The following NKAP variants were observed in gnomAD, a reference collection of about 807,000 sequenced individuals.
NKAP encodes NFKB activating protein, also known as NF-kappa-B-activating protein.
A neutral mutation model predicts 35.6 loss-of-function variants in NKAP; 4 were observed. That is an observed-to-expected ratio of 0.11 (90% CI 0.06 to 0.26). The LOEUF (loss-of-function observed/expected upper bound fraction) is 0.26. Ranked by LOEUF, NKAP falls within the 10% of genes least tolerant of loss-of-function variation. NKAP has a pLI of 1.00. For synonymous variants in NKAP, 106 were observed against 119.2 expected, an observed-to-expected ratio of 0.89 and a Z score of 0.72; for missense variants, 238 against 321.9, an observed-to-expected ratio of 0.74 and a Z score of 1.99.
rs2056744565 is a variant in NKAP, at chrX:119,932,157, G to A, written c.797C>T (p.Ser266Phe). The change falls in exon 6 of 9, where the codon TCT becomes TTT. Residue 266 changes from serine to phenylalanine, a missense_variant. This residue lies in a region of NKAP where 89 missense variants were observed against 91.7 expected (regional missense o/e 0.97). Transcript: ENST00000371410. ...CAGAAACTCTTCTTGGGATTCTTTAGAGCTTGAATCACTGGACTCTTTTCT... is the reference window on the plus strand; with the variant it reads ...CAGAAACTCTTCTTGGGATTCTTTAAAGCTTGAATCACTGGACTCTTTTCT... ...KSRKESSDSS[S>F]KESQEEFLEN... 8.3e-7 allele frequency: 1 copy of A among 1,207,914 alleles called. No individual in the cohort carries two copies. Among genetic ancestry groups the A allele is most frequent in the Non-Finnish European group, 1.1e-6 (1 of 894,108 alleles).
intron 8 of NKAP, among the ~76,000 whole-genome samples, chrX:119,925,929 C>CTTTTTTTTTT (rs1305744041): frequency 4.3e-5 from 2 of 46,413 alleles, no homozygotes; most frequent in African/African-American, 1.7e-4. Context: ...ATCCTTTTTT[C>CTTTTTTTTTT]TTTTTTTTTT....
Position 119,930,941 on chromosome X carries a change from G to T in NKAP, c.924-776C>A, listed in dbSNP as rs141903220. Among the ~76,000 whole-genome samples the T allele has an allele frequency of 6.3e-3, 702 of 111,388 alleles. 11 individuals are homozygous for T. Among genetic ancestry groups the T allele is most frequent in the African/African-American group, 0.022 (676 of 30,646 alleles). On this transcript the variant is annotated intron_variant, in intron 7 of 8. Coordinates refer to ENST00000371410, the MANE Select transcript of NKAP (RefSeq NM_024528.4). ...AGATCACTTGAGATCAGGAGTTCGA[G>T]ACCATACTGGCCAACATGGCGAAAC...
At chrX:119,936,269 G>A in intron 4 of NKAP, 28 bp downstream of exon 4, 1 of 1,192,674 alleles carries the variant, frequency 8.4e-7, no homozygotes, top group Non-Finnish European at 1.1e-6. Flanking sequence ...TTGAAGCAAG[G>A]CTTGCAGAAT....
In NKAP at chrX:119,926,147, G is replaced by A. The variant is rs184416154; in HGVS notation, c.1074-753C>T. Among the ~76,000 whole-genome samples the A allele has an allele frequency of 5.8e-4, 59 of 102,469 alleles. No homozygotes were observed. In the East Asian group the frequency reaches 0.015, roughly 26 times the overall value. The allele number at this position is 102,469 out of a possible 115,157, so 89.0% of individuals were successfully genotyped here. On this transcript the variant is annotated intron_variant, in intron 8 of 8. Coordinates refer to ENST00000371410, the MANE Select transcript of NKAP (RefSeq NM_024528.4). ...AATTTTTTGTATTTTTAGTAGAGAC[G>A]GGGTTTCACCTTGTTAGCCAGGATG... is the stretch of plus-strand genomic sequence containing the variant.
In NKAP at chrX:119,936,265, C is replaced by A. The variant is rs766826336; in HGVS notation, c.673+32G>T. Reference sequence around the variant, plus strand: ...TTAAGAAGTAAAACTAGTTTTGAAGCAAGGCTTGCAGAATGCTGTTGGCGT... The same window carrying A: ...TTAAGAAGTAAAACTAGTTTTGAAGAAAGGCTTGCAGAATGCTGTTGGCGT... On this transcript the variant is annotated intron_variant, in intron 4 of 8. Transcript: ENST00000371410. 11 of 1,183,467 alleles carry A rather than the reference C, an allele frequency of 9.3e-6. No homozygotes were observed. In the Admixed American group the frequency reaches 2.6e-4, roughly 28 times the overall value.
At chrX:119,941,648 C>T (rs2056794100) in intron 1 of NKAP, among the ~76,000 whole-genome samples, 1 of 110,860 alleles carries the variant, frequency 9.0e-6, no homozygotes, top group African/African-American at 3.3e-5. Context: ...GTTTTTGAGA[C>T]AGCATCTCCC....
intron 8 of NKAP, among the ~76,000 whole-genome samples, chrX:119,926,282 T>C (rs1221786390): frequency 1.9e-5 from 2 of 106,113 alleles, no homozygotes; most frequent in African/African-American, 3.5e-5. Flanking sequence ...CTCCTTTTTG[T>C]GAGTCTTAAA....
chrX:119,943,515 T>C lies in NKAP; in HGVS notation c.91A>G (p.Ser31Gly), dbSNP rs193266770. 25 of 1,210,239 alleles carry C rather than the reference T, an allele frequency of 2.1e-5. No homozygotes were observed. The African/African-American group carries it at 3.3e-4, about 16-fold the overall frequency. Residue 31 changes from serine (S) to glycine (G), a missense_variant, in exon 1 of 9, where the codon AGC becomes GGC. Coordinates refer to ENST00000371410, the MANE Select transcript of NKAP (RefSeq NM_024528.4). Reference protein sequence around the residue: ...RRSSSKSPKPSKSARSPRGRR... With the variant: ...RRSSSKSPKPGKSARSPRGRR... ...CCCCGCGGGGAGCGGGCAGATTTGC[T>C]GGGCTTCGGACTCTTCGACGAACTG...
intron 7 of NKAP, 64 bp downstream of exon 7, chrX:119,931,872 A>G: frequency 1.2e-6 from 1 of 860,445 alleles, no homozygotes; most frequent in Non-Finnish European, 1.7e-6. Context: ...TAAGCTTGGC[A>G]AGGTAAGTTA....
Position 119,925,263 on chromosome X carries a change from C to T in NKAP, c.1205G>A (p.Arg402Gln), listed in dbSNP as rs139829965. 4 of 1,208,563 alleles carry T rather than the reference C, an allele frequency of 3.3e-6. No homozygotes were observed. Among genetic ancestry groups the T allele is most frequent in the Non-Finnish European group, 4.5e-6 (4 of 895,050 alleles). ...KRENKILASF[R>Q]EMVYRKTKGK... is the part of the protein sequence containing the mutation. ...TTTGGTCTTTCTGTAAACCATTTCTCGAAAACTGGCCAGAATCTTGTTCTC... is the reference window on the plus strand; with the variant it reads ...TTTGGTCTTTCTGTAAACCATTTCTTGAAAACTGGCCAGAATCTTGTTCTC... The change falls in exon 9 of 9, where the codon CGA becomes CAA. Residue 402 changes from arginine (R) to glutamine (Q), a missense_variant. This residue lies in a region of NKAP where 12 missense variants were observed against 20.6 expected (regional missense o/e 0.58). Coordinates refer to ENST00000371410, the MANE Select transcript of NKAP (RefSeq NM_024528.4).
At chrX:119,925,482 A>G in intron 8 of NKAP, 88 bp from the exon 9 acceptor site, 1 of 945,225 alleles carries the variant, frequency 1.1e-6, no homozygotes, top group African/African-American at 2.0e-5. Flanking sequence ...AGAGTGGTCT[A>G]TTTAACAGCT....
At chrX:119,942,999 G>C (rs1021863782) in intron 1 of NKAP, 1 of 400,879 alleles carries the variant, frequency 2.5e-6, no homozygotes, top group Non-Finnish European at 4.2e-6. Context: ...GGCGGAAGGG[G>C]GTAGCGGGAG....
In NKAP at chrX:119,921,737, G is replaced by A. The variant is rs549169746; in HGVS notation, c.*3483C>T. ...CTTGATGTCACAATATTCATATATC[G>A]CAGAATTTCTGCATTTAAACTACCT... On this transcript the variant is annotated 3_prime_UTR_variant, in exon 9 of 9. Coordinates refer to ENST00000371410, the MANE Select transcript of NKAP (RefSeq NM_024528.4). 6 of 110,286 alleles carry A rather than the reference G, an allele frequency of 5.4e-5. No individual in the cohort carries two copies. Among genetic ancestry groups the A allele is most frequent in the African/African-American group, 1.3e-4 (4 of 30,518 alleles). The allele number at this position is 110,286 out of a possible 1,213,427, so 9.1% of individuals were successfully genotyped here. A position where few individuals can be genotyped will look rare whatever the true frequency, so the allele number is the denominator to read the frequency against.
Position 119,922,642 on chromosome X carries a change from G to C in NKAP, c.*2578C>G, listed in dbSNP as rs2056693068. 9.0e-6 allele frequency: 1 copy of C among 110,970 alleles called. No individual in the cohort carries two copies. The highest frequency in any genetic ancestry group is 3.3e-5 in the African/African-American group (1 of 30,573). The allele number at this position is 110,970 out of a possible 1,213,427, so 9.1% of individuals were successfully genotyped here. On this transcript the variant is annotated 3_prime_UTR_variant, in exon 9 of 9. Transcript: ENST00000371410. Reference sequence around the variant, plus strand: ...GCTCGGGAGGCTGAGGTGGAGGATTGCTTGAGCCCAGGAGGTGGAGGTTGC... The same window carrying C: ...GCTCGGGAGGCTGAGGTGGAGGATTCCTTGAGCCCAGGAGGTGGAGGTTGC...
At chrX:119,926,732 T>G (rs1385672903) in intron 8 of NKAP, among the ~76,000 whole-genome samples, 1 of 110,581 alleles carries the variant, frequency 9.0e-6, no homozygotes, top group African/African-American at 3.3e-5. Context: ...CAGATGGAAC[T>G]TCCTTCAAGG....
In NKAP at chrX:119,921,986, C is replaced by T. The variant is rs961329976; in HGVS notation, c.*3234G>A. The T allele has an allele frequency of 9.1e-6, 1 of 110,466 alleles. No individual in the cohort carries two copies. 9.1% of individuals were successfully genotyped at this position (110,466 alleles called of 1,213,427 possible). A position where few individuals can be genotyped will look rare whatever the true frequency, so the allele number is the denominator to read the frequency against. On this transcript the variant is annotated 3_prime_UTR_variant, in exon 9 of 9. Transcript: ENST00000371410. ...CCTCCCGAGTAGCTGGGACTACAGG[C>T]ACGTGCCACCATGCCCGGCTACATT...
Position 119,932,097 on chromosome X carries a change from A to G in NKAP, c.847+10T>C, listed in dbSNP as rs1344358743. ...CATCTGTTCTGAGTTAGTCTATCAG[A>G]AGAACCTACTTGTTCGATCCTTCCA... On this transcript the variant is annotated intron_variant, in intron 6 of 8. Transcript: ENST00000371410. 1 of 1,197,092 alleles carries G rather than the reference A, an allele frequency of 8.4e-7. No individual in the cohort carries two copies. Among genetic ancestry groups the G allele is most frequent in the South Asian group, 1.8e-5 (1 of 56,363 alleles).
At chrX:119,925,460 C>T in intron 8 of NKAP, 66 bp from the exon 9 acceptor site, 1 of 1,067,512 alleles carries the variant, frequency 9.4e-7, no homozygotes, top group Non-Finnish European at 1.3e-6. Context: ...CATCATTAAT[C>T]CTTTCTTACC....
intron 1 of NKAP, among the ~76,000 whole-genome samples, chrX:119,941,083 T>C (rs2056791078): frequency 9.3e-6 from 1 of 107,008 alleles, no homozygotes; most frequent in South Asian, 4.1e-4. Context: ...GAGGCTGCAG[T>C]GAGCCGAGAC....
Sources: gnomAD v4.1 joint callset for allele counts (sites outside exome capture counted in the v4.1 genomes callset) on GRCh38, gnomAD v4.1.1 for gene constraint, gnomAD v4.1.1 regional missense constraint, MANE v1.5 for transcripts, NCBI Gene and HGNC (gene_info 2026-07-23, HGNC 2026-07-21) for gene names.